The following ERBB4 variants were observed in gnomAD, a reference collection of about 807,000 sequenced individuals.
ERBB4 encodes erb-b2 receptor tyrosine kinase 4.
Under a neutral mutation model 158.0 loss-of-function variants are expected in ERBB4, and 42 were observed. That is an observed-to-expected ratio of 0.27 (90% CI 0.21 to 0.34). ERBB4 has a LOEUF of 0.34. ERBB4 is among the 10% of genes least tolerant of loss of function. ERBB4 has a pLI of 1.00. For synonymous variants in ERBB4, 583 were observed against 558.7 expected, an observed-to-expected ratio of 1.04 and a Z score of -0.61; for missense variants, 1,333 against 1,624.1, an observed-to-expected ratio of 0.82 and a Z score of 3.08.
chr2:211,626,512 G>A (rs956021100), intron 17 of ERBB4, among the ~76,000 whole-genome samples: 1 of 152,094 alleles, frequency 6.6e-6, no homozygotes, highest in African/African-American at 2.4e-5. Context: ...GATGGTGGTA[G>A]AAAATCATAT....
intron 1 of ERBB4, among the ~76,000 whole-genome samples, chr2:212,516,636 C>T (rs1263952724): frequency 6.6e-6 from 1 of 152,018 alleles, no homozygotes; most frequent in Non-Finnish European, 1.5e-5. Context: ...AATCTGCAAC[C>T]TCATTAGAGT....
At chr2:211,934,002 G>A (rs964469699) in intron 3 of ERBB4, among the ~76,000 whole-genome samples, 2 of 151,876 alleles carry the variant, frequency 1.3e-5, no homozygotes, top group African/African-American at 4.8e-5. Flanking sequence ...CACAAATTCT[G>A]GAAATAATTA....
intron 1 of ERBB4, among the ~76,000 whole-genome samples, chr2:212,168,647 A>G (rs954199064): frequency 6.6e-6 from 1 of 152,176 alleles, no homozygotes; most frequent in Non-Finnish European, 1.5e-5. Flanking sequence ...ACTAGCTTCA[A>G]CAGGGCTTAT....
chr2:212,181,001 C>T lies in ERBB4; in HGVS notation c.83-56098G>A, dbSNP rs548379039. Reference sequence around the variant, plus strand: ...TTCTAGGTATCTCCCATGTAATAAGCCATTTAATGCTAACAACTGTTGATG... The same window carrying T: ...TTCTAGGTATCTCCCATGTAATAAGTCATTTAATGCTAACAACTGTTGATG... On this transcript the variant is annotated intron_variant, in intron 1 of 27. Coordinates refer to ENST00000342788, the MANE Select transcript of ERBB4 (RefSeq NM_005235.3). 7.3e-5 allele frequency among the ~76,000 whole-genome samples: 11 copies of T among 151,646 alleles called. No homozygotes were observed. In the South Asian group the frequency reaches 1.7e-3, roughly 23 times the overall value.
intron 1 of ERBB4, among the ~76,000 whole-genome samples, chr2:212,196,094 G>A (rs937292468): frequency 3.3e-5 from 5 of 151,840 alleles, no homozygotes; most frequent in Admixed American, 6.6e-5. Context: ...CCCCACCACC[G>A]GAGTCAAAAA....
chr2:212,243,785 A>G (rs1421159695), intron 1 of ERBB4, among the ~76,000 whole-genome samples: 1 of 152,160 alleles, frequency 6.6e-6, no homozygotes, highest in East Asian at 1.9e-4. Context: ...AATAATAGCT[A>G]TTGAGCCAGA....
chr2:211,510,359 G>C (rs1263613623), intron 20 of ERBB4, among the ~76,000 whole-genome samples: 1 of 151,986 alleles, frequency 6.6e-6, no homozygotes, highest in Non-Finnish European at 1.5e-5. Context: ...ATTACTTACT[G>C]GGTACAAAGT....
At chr2:212,534,572 T>C (rs1451636745) in intron 1 of ERBB4, among the ~76,000 whole-genome samples, 2 of 152,172 alleles carry the variant, frequency 1.3e-5, no homozygotes, top group African/African-American at 4.8e-5. Context: ...GAATGAAAAC[T>C]GGCTCAGAGG....
At chr2:211,716,542 G>A (rs2073915314) in intron 7 of ERBB4, among the ~76,000 whole-genome samples, 2 of 150,380 alleles carry the variant, frequency 1.3e-5, no homozygotes, top group African/African-American at 4.9e-5. Context: ...CGGGCCTGGT[G>A]GCGGGCGCCT....
At chr2:212,446,626 T>TATATATATAC (rs2092362225) in intron 1 of ERBB4, among the ~76,000 whole-genome samples, 3 of 84,314 alleles carry the variant, frequency 3.6e-5, no homozygotes, top group Non-Finnish European at 5.0e-5. Flanking sequence ...TATATATATA[T>TATATATATAC]ATATATATAT....
chr2:211,501,733 A>G (rs1161442186), intron 20 of ERBB4, among the ~76,000 whole-genome samples: 1 of 152,106 alleles, frequency 6.6e-6, no homozygotes, highest in Non-Finnish European at 1.5e-5. Flanking sequence ...TAATTGTGCT[A>G]TTACAATTTC....
At chr2:212,307,672 A>G (rs2086862086) in intron 1 of ERBB4, among the ~76,000 whole-genome samples, 1 of 151,208 alleles carries the variant, frequency 6.6e-6, no homozygotes, top group African/African-American at 2.4e-5. Flanking sequence ...CCTTTCAAAT[A>G]AGAATTATTT....
intron 12 of ERBB4, among the ~76,000 whole-genome samples, chr2:211,695,852 T>G (rs1444541722): frequency 6.6e-6 from 1 of 152,218 alleles, no homozygotes; most frequent in African/African-American, 2.4e-5. Context: ...TATATGAATG[T>G]CTAATATATA....
At chr2:211,432,655 T>TGGGAA in intron 20 of ERBB4, among the ~76,000 whole-genome samples, 1 of 152,108 alleles carries the variant, frequency 6.6e-6, no homozygotes, top group East Asian at 1.9e-4. Context: ...TAGAATATTT[T>TGGGAA]CATATCTTCC....
chr2:211,933,307 G>C (rs1424270222), intron 3 of ERBB4, among the ~76,000 whole-genome samples: 1 of 151,970 alleles, frequency 6.6e-6, no homozygotes. Context: ...AATGACACAG[G>C]CTGCTTCCTT....
At chr2:212,217,637 T>C (rs1172271508) in intron 1 of ERBB4, among the ~76,000 whole-genome samples, 1 of 151,248 alleles carries the variant, frequency 6.6e-6, no homozygotes, top group Non-Finnish European at 1.5e-5. Flanking sequence ...CGTGACAATC[T>C]ATTGTCATCA....
intron 1 of ERBB4, among the ~76,000 whole-genome samples, chr2:212,460,169 C>T (rs1377115053): frequency 1.3e-5 from 2 of 152,214 alleles, no homozygotes; most frequent in Non-Finnish European, 2.9e-5. Flanking sequence ...GAGGCTCCCC[C>T]AGCATGTGGA....
chr2:212,525,516 A>T (rs1692401468), intron 1 of ERBB4, among the ~76,000 whole-genome samples: 1 of 151,954 alleles, frequency 6.6e-6, no homozygotes, highest in African/African-American at 2.4e-5. Context: ...TAACATTACA[A>T]CTCTGAATAC....
intron 1 of ERBB4, among the ~76,000 whole-genome samples, chr2:212,513,588 G>A (rs1252435979): frequency 1.3e-5 from 2 of 152,236 alleles, no homozygotes; most frequent in African/African-American, 2.4e-5. Context: ...CGAGGCGGGT[G>A]GATCAAGAGG....
Sources: allele counts gnomAD v4.1 joint callset (sites outside exome capture counted in the v4.1 genomes callset), GRCh38; gene constraint gnomAD v4.1.1; transcripts MANE v1.5; gene names NCBI Gene and HGNC (gene_info 2026-07-23, HGNC 2026-07-21).